The following FMNL2 variants were observed in gnomAD, a reference collection of about 807,000 sequenced individuals.
The protein encoded by FMNL2 is formin-like protein 2.
FMNL2 carries 51 observed loss-of-function variants against 130.2 expected under a neutral mutation model. The observed-to-expected ratio is 0.39, with a 90% CI of 0.31 to 0.49. FMNL2 has a LOEUF of 0.49. FMNL2 is among the 20% of genes least tolerant of loss of function. The pLI, the probability that FMNL2 is intolerant of heterozygous loss-of-function variation, is 0.85. For synonymous variants in FMNL2, 465 were observed against 467.1 expected (o/e 1.00, Z 0.06); for missense variants, 977 against 1,316.2 (o/e 0.74, Z 3.99).
At chr2:152,500,693 C>A (rs562677036) in intron 1 of FMNL2, among the ~76,000 whole-genome samples, 6 of 152,242 alleles carry the variant, frequency 3.9e-5, no homozygotes, top group African/African-American at 1.4e-4. Flanking sequence ...ACTAAAAATA[C>A]AAAAATTAGC....
intron 1 of FMNL2, among the ~76,000 whole-genome samples, chr2:152,411,326 T>C (rs1686280919): frequency 6.6e-6 from 1 of 152,120 alleles, no homozygotes; most frequent in African/African-American, 2.4e-5. Context: ...AGTGAAGTGG[T>C]GTGTATTCTA....
intron 25 of FMNL2, among the ~76,000 whole-genome samples, chr2:152,641,773 T>C (rs1453139405): frequency 6.6e-6 from 1 of 152,180 alleles, no homozygotes; most frequent in Non-Finnish European, 1.5e-5. Context: ...CTTGGAAATA[T>C]TTCAGTATGT....
chr2:152,466,464 A>C (rs747147060), intron 1 of FMNL2, among the ~76,000 whole-genome samples: 25 of 152,126 alleles, frequency 1.6e-4, no homozygotes, highest in Non-Finnish European at 3.5e-4. Flanking sequence ...TTAACCACTT[A>C]TAGCCCCCTT....
rs201653388 is a variant in FMNL2, at chr2:152,347,623, GC to G, written c.117+11904del. Among the ~76,000 whole-genome samples, 1,520 of 152,156 alleles carry G rather than the reference GC, an allele frequency of 1.0e-2. 18 individuals are homozygous for G. The highest frequency in any genetic ancestry group is 0.035 in the African/African-American group (1,448 of 41,502). ...GGATATGTAGGTACAAAATTTATGT[GC>G]TCCTTCTCAAGTGTAAGTTCTGACC... On this transcript the variant is annotated intron_variant, in intron 1 of 25. Transcript: ENST00000288670.
intron 1 of FMNL2, among the ~76,000 whole-genome samples, chr2:152,406,970 T>C (rs1033551854): frequency 2.7e-4 from 41 of 152,336 alleles, no homozygotes; most frequent in African/African-American, 9.9e-4. Context: ...TCTGTCACTT[T>C]GTAATCTTGA....
At chr2:152,383,948 A>G (rs1173064878) in intron 1 of FMNL2, among the ~76,000 whole-genome samples, 2 of 152,220 alleles carry the variant, frequency 1.3e-5, no homozygotes, top group Admixed American at 6.5e-5. Context: ...CATATGTTAT[A>G]CAGATCTCAT....
Position 152,531,876 on chromosome 2 carries a change from A to G in FMNL2, c.201+9850A>G, listed in dbSNP as rs545068722. On this transcript the variant is annotated intron_variant, in intron 2 of 25. Transcript: ENST00000288670. The stretch of plus-strand genomic sequence containing the variant: ...TTAGTTTTTATGTTTTAGAAGGAGA[A>G]TATTTATATATCTAGGAGAATGGGA... Among the ~76,000 whole-genome samples the G allele has an allele frequency of 5.9e-5, 9 of 152,288 alleles. No homozygotes were observed. In the South Asian group the frequency reaches 1.7e-3, roughly 28 times the overall value.
chr2:152,596,598 A>G (rs1475640640), intron 9 of FMNL2, among the ~76,000 whole-genome samples: 2 of 152,192 alleles, frequency 1.3e-5, no homozygotes, highest in Non-Finnish European at 2.9e-5. Context: ...TGCAAGTTAT[A>G]TGTTGATATT....
At chr2:152,564,819 A>G (rs977658529) in intron 6 of FMNL2, among the ~76,000 whole-genome samples, 4 of 127,382 alleles carry the variant, frequency 3.1e-5, no homozygotes, top group Non-Finnish European at 6.4e-5. Flanking sequence ...TAATGTTGAC[A>G]CACATTTTCC....
Position 152,629,810 on chromosome 2 carries a change from C to A in FMNL2, c.2470-15C>A. On this transcript the variant is annotated splice_polypyrimidine_tract_variant and intron_variant, in intron 19 of 25. Transcript: ENST00000288670. ...TGCTGTACTGATGGGCTTCTGTTTT[C>A]ACCTTCTTTTGCAGATCATCTTAGC... The A allele has an allele frequency of 6.2e-7, 1 of 1,611,786 alleles. No individual in the cohort carries two copies. Among genetic ancestry groups the A allele is most frequent in the Admixed American group, 1.7e-5 (1 of 59,710 alleles).
intron 1 of FMNL2, among the ~76,000 whole-genome samples, chr2:152,425,005 A>G (rs1484419097): frequency 6.6e-6 from 1 of 152,178 alleles, no homozygotes; most frequent in Non-Finnish European, 1.5e-5. Context: ...TTCATGTATC[A>G]TTTTTGTTCT....
chr2:152,376,066 G>A (rs1436088186), intron 1 of FMNL2, among the ~76,000 whole-genome samples: 4 of 151,754 alleles, frequency 2.6e-5, no homozygotes, highest in Non-Finnish European at 5.9e-5. Flanking sequence ...GCTAAGTTTT[G>A]TATTTTTAGT....
intron 9 of FMNL2, among the ~76,000 whole-genome samples, chr2:152,599,405 C>CTTTTTT (rs35753197): frequency 0.012 from 533 of 45,060 alleles, 132 homozygotes; most frequent in African/African-American, 0.024. Flanking sequence ...TGAAGGTCAT[C>CTTTTTT]TTTTTTTTTT....
At chr2:152,530,361 C>A (rs993039623) in intron 2 of FMNL2, among the ~76,000 whole-genome samples, 33 of 151,980 alleles carry the variant, frequency 2.2e-4, no homozygotes, top group Non-Finnish European at 8.8e-5. Flanking sequence ...CTTTCACACA[C>A]AAACACACAC....
At chr2:152,420,464 C>T (rs967357909) in intron 1 of FMNL2, among the ~76,000 whole-genome samples, 6 of 152,154 alleles carry the variant, frequency 3.9e-5, no homozygotes, top group Admixed American at 1.3e-4. Context: ...AAAGAAGCAT[C>T]GGTTTCTGAG....
At chr2:152,417,439 G>C (rs1226394839) in intron 1 of FMNL2, among the ~76,000 whole-genome samples, 4 of 152,210 alleles carry the variant, frequency 2.6e-5, no homozygotes, top group Non-Finnish European at 5.9e-5. Context: ...CAGGTTAACA[G>C]CCTTGTTGGT....
intron 1 of FMNL2, among the ~76,000 whole-genome samples, chr2:152,338,818 G>GACAC (rs767062578): frequency 4.0e-4 from 24 of 60,318 alleles, no homozygotes; most frequent in African/African-American, 1.0e-3. Context: ...TGGAAGGTGA[G>GACAC]ATACACACAC....
intron 1 of FMNL2, among the ~76,000 whole-genome samples, chr2:152,345,437 TG>T (rs1393746714): frequency 6.6e-6 from 1 of 152,240 alleles, no homozygotes; most frequent in Non-Finnish European, 1.5e-5. Flanking sequence ...TGATCAGATT[TG>T]CACCATGGCA....
At chr2:152,600,950 G>T (rs935774376) in intron 9 of FMNL2, among the ~76,000 whole-genome samples, 2 of 152,108 alleles carry the variant, frequency 1.3e-5, no homozygotes, top group African/African-American at 4.8e-5. Context: ...ATTTGTTTCT[G>T]TGGAGCTTCC....
Sources: gnomAD v4.1 joint callset for allele counts (sites outside exome capture counted in the v4.1 genomes callset) on GRCh38, gnomAD v4.1.1 for gene constraint, MANE v1.5 for transcripts, NCBI Gene and HGNC (gene_info 2026-07-23, HGNC 2026-07-21) for gene names.